The following VRK2 variants were observed in gnomAD, a reference collection of about 807,000 sequenced individuals.
VRK2 encodes serine/threonine-protein kinase VRK2.
Under a neutral mutation model 57.6 loss-of-function variants are expected in VRK2, and 60 were observed. The observed-to-expected ratio is 1.04, with a 90% CI of 0.85 to 1.29. The LOEUF (loss-of-function observed/expected upper bound fraction) is 1.29. Among genes scored for constraint, VRK2 ranks in the 50% most tolerant of loss-of-function variants. The pLI is 0.00. For synonymous variants in VRK2, 231 were observed against 199.2 expected (o/e 1.16, Z -1.35); for missense variants, 705 against 588.1 (o/e 1.20, Z -2.06).
intron 1 of VRK2, among the ~76,000 whole-genome samples, chr2:57,986,434 A>T (rs1672595524): frequency 6.6e-6 from 1 of 152,154 alleles, no homozygotes. Context: ...TCTGAAATTT[A>T]TATGGAAAGC....
intron 2 of VRK2, among the ~76,000 whole-genome samples, chr2:58,055,981 A>G (rs971336986): frequency 6.6e-6 from 1 of 152,194 alleles, no homozygotes; most frequent in Admixed American, 6.5e-5. Flanking sequence ...TTGCATGTCT[A>G]TCATGTATAT....
At chr2:58,036,247 G>A (rs988189656) in intron 3 of VRK2, among the ~76,000 whole-genome samples, 5 of 151,806 alleles carry the variant, frequency 3.3e-5, no homozygotes, top group South Asian at 2.1e-4. Flanking sequence ...CCAGGAAAGG[G>A]AGTATTTTTG....
intron 7 of VRK2, among the ~76,000 whole-genome samples, chr2:58,097,966 A>G (rs995966117): frequency 5.9e-5 from 9 of 152,130 alleles, no homozygotes; most frequent in African/African-American, 2.2e-4. Context: ...ATTGTTTGTT[A>G]TCATCGGAGA....
intron 2 of VRK2, among the ~76,000 whole-genome samples, chr2:58,032,359 A>G (rs1322049822): frequency 6.6e-6 from 1 of 152,090 alleles, no homozygotes; most frequent in East Asian, 1.9e-4. Context: ...CTCCAAGATC[A>G]AGACACTGGA....
intron 1 of VRK2, among the ~76,000 whole-genome samples, chr2:57,954,240 T>C (rs1671514049): frequency 6.6e-6 from 1 of 152,166 alleles, no homozygotes; most frequent in African/African-American, 2.4e-5. Flanking sequence ...CCAAATCATC[T>C]AGAAATCTTA....
intron 2 of VRK2, among the ~76,000 whole-genome samples, chr2:58,074,322 G>C (rs561343179): frequency 1.3e-5 from 2 of 152,024 alleles, no homozygotes; most frequent in South Asian, 2.1e-4. Flanking sequence ...ATTATCTGCT[G>C]TATTTGTAAC....
chr2:57,982,853 C>T (rs1672473883), intron 1 of VRK2, among the ~76,000 whole-genome samples: 1 of 152,186 alleles, frequency 6.6e-6, no homozygotes, highest in Non-Finnish European at 1.5e-5. Context: ...CAGCCGTTCC[C>T]ACACCAAACC....
chr2:57,975,535 A>T (rs1243030505), intron 1 of VRK2, among the ~76,000 whole-genome samples: 4 of 151,838 alleles, frequency 2.6e-5, no homozygotes, highest in Non-Finnish European at 5.9e-5. Context: ...GTACACGTGC[A>T]TGTTTGTTAC....
In VRK2 at chr2:58,092,447, A is replaced by T. The variant is rs539027968; in HGVS notation, c.543+2724A>T. Among the ~76,000 whole-genome samples the T allele has an allele frequency of 2.6e-5, 4 of 152,276 alleles. No individual in the cohort carries two copies. The South Asian group carries it at 8.3e-4, about 32-fold the overall frequency. ...CTATCTGGGTTGTTTTCAGTTTTTG[A>T]CAGTTATAAATAAAGTTGCTATAAG... On this transcript the variant is annotated intron_variant, in intron 7 of 12. Coordinates refer to ENST00000340157, the MANE Select transcript of VRK2 (RefSeq NM_006296.7).
chr2:58,025,132 A>G (rs1023219668), intron 1 of VRK2, among the ~76,000 whole-genome samples: 1 of 152,200 alleles, frequency 6.6e-6, no homozygotes, highest in Non-Finnish European at 1.5e-5. Flanking sequence ...CACAGATTCT[A>G]TAGTTAAACT....
chr2:58,157,858 A>G (rs1684196246), intron 12 of VRK2, among the ~76,000 whole-genome samples: 1 of 152,228 alleles, frequency 6.6e-6, no homozygotes, highest in African/African-American at 2.4e-5. Flanking sequence ...CATAGACAAT[A>G]CATAAACAAA....
At chr2:58,152,372 T>C (rs1683201839) in intron 12 of VRK2, among the ~76,000 whole-genome samples, 1 of 151,928 alleles carries the variant, frequency 6.6e-6, no homozygotes, top group East Asian at 1.9e-4. Flanking sequence ...AAATATATAC[T>C]TCCCTTTATC....
intron 7 of VRK2, 31 bp downstream of exon 7, chr2:58,089,754 T>A (rs1672113036): frequency 6.8e-7 from 1 of 1,471,194 alleles, no homozygotes; most frequent in Non-Finnish European, 9.4e-7. Context: ...TTAATAAAGG[T>A]CTTTAATGTA....
chr2:58,089,648 TATAC>T lies in VRK2; in HGVS notation c.471_474del (p.Ile157MetfsTer10). On this transcript the variant is annotated frameshift_variant, in exon 7 of 13. Coordinates refer to ENST00000340157, the MANE Select transcript of VRK2 (RefSeq NM_006296.7). LOFTEE classifies it high-confidence loss of function. ...TTTCACAGTTGGATGTACTGGAATATATACATGAAAATGAATATGTTCATGGTGA... is the reference window on the plus strand; with the variant it reads ...TTTCACAGTTGGATGTACTGGAATATATGAAAATGAATATGTTCATGGTGA... The T allele has an allele frequency of 1.9e-6, 3 of 1,602,626 alleles. No homozygotes were observed. Among genetic ancestry groups the T allele is most frequent in the Non-Finnish European group, 2.6e-6 (3 of 1,172,970 alleles).
intron 1 of VRK2, among the ~76,000 whole-genome samples, chr2:58,010,009 G>A (rs1673370973): frequency 6.6e-6 from 1 of 152,044 alleles, no homozygotes; most frequent in Non-Finnish European, 1.5e-5. Context: ...AAGCACAATA[G>A]GTATGTACAG....
At chr2:58,097,409 T>A (rs1230327431) in intron 7 of VRK2, among the ~76,000 whole-genome samples, 2 of 152,226 alleles carry the variant, frequency 1.3e-5, no homozygotes, top group East Asian at 3.9e-4. Flanking sequence ...TCTTTCAAGT[T>A]GTTTAGGGGG....
At chr2:58,040,865 C>G (rs1674427633) in intron 3 of VRK2, among the ~76,000 whole-genome samples, 1 of 152,148 alleles carries the variant, frequency 6.6e-6, no homozygotes, top group Non-Finnish European at 1.5e-5. Context: ...GTTCAAGACC[C>G]TTAGAGGATG....
At chr2:57,910,235 T>G (rs1669945524) in intron 1 of VRK2, among the ~76,000 whole-genome samples, 1 of 152,194 alleles carries the variant, frequency 6.6e-6, no homozygotes. Context: ...GATAAATCCC[T>G]TTCTCCATGC....
At chr2:57,958,449 G>GTATACATGTATATATATATATATAAA (rs1671653995) in intron 1 of VRK2, among the ~76,000 whole-genome samples, 1 of 141,622 alleles carries the variant, frequency 7.1e-6, no homozygotes, top group Non-Finnish European at 1.5e-5. Flanking sequence ...ATATATATTT[G>GTATACATGTATATATATATATATAAA]TATATATATA....
Sources: allele counts gnomAD v4.1 joint callset (sites outside exome capture counted in the v4.1 genomes callset), GRCh38; gene constraint gnomAD v4.1.1; transcripts MANE v1.5; gene names NCBI Gene and HGNC (gene_info 2026-07-23, HGNC 2026-07-21).